Variants in GNL2 observed in about 807,000 individuals in gnomAD.
GNL2 encodes nucleolar GTP-binding protein 2.
A neutral mutation model predicts 92.3 loss-of-function variants in GNL2; 51 were observed. The ratio of observed to expected loss-of-function variants is 0.55; its 90% CI spans 0.44 to 0.70. The LOEUF is 0.70. GNL2 is among the 30% of genes least tolerant of loss of function. GNL2 has a pLI of 0.00. For synonymous variants in GNL2, 283 were observed against 300.6 expected, an observed-to-expected ratio of 0.94 and a Z score of 0.61; for missense variants, 844 against 895.6, an observed-to-expected ratio of 0.94 and a Z score of 0.74.
intron 4 of GNL2, among the ~76,000 whole-genome samples, chr1:37,590,093 G>C (rs945629563): frequency 3.3e-5 from 5 of 152,170 alleles, no homozygotes; most frequent in African/African-American, 1.2e-4. Flanking sequence ...ATAACCCAAG[G>C]AGGTCGGTTA....
intron 3 of GNL2, 141 bp from the exon 4 acceptor site, chr1:37,590,986 C>G (rs1643884476): frequency 1.3e-6 from 1 of 756,662 alleles, no homozygotes; most frequent in Admixed American, 3.3e-5. Flanking sequence ...TGTTTTCAAA[C>G]TTAAAAGAGG....
chr1:37,581,009 A>C lies in GNL2; in HGVS notation c.909+1214T>G, dbSNP rs770850701. Among the ~76,000 whole-genome samples the C allele has an allele frequency of 7.9e-4, 120 of 151,990 alleles. 1 individual carries two copies. Among genetic ancestry groups the C allele is most frequent in the African/African-American group, 2.8e-3 (115 of 41,410 alleles). On this transcript the variant is annotated intron_variant, in intron 8 of 15. Coordinates refer to ENST00000373062, the MANE Select transcript of GNL2 (RefSeq NM_013285.3). The stretch of plus-strand genomic sequence containing the variant: ...CTTTCCAAGTTAAAACAACAACAAC[A>C]ACCAACCAACACTGAATGAATAATA...
Position 37,582,926 on chromosome 1 carries a change from G to C in GNL2, c.647C>G (p.Ser216Ter). ...IWGELYKVID[S>*]SDVVVQVLDA... Reference sequence around the variant, plus strand: ...AAGAACTTGAACTACAACATCTGATGAATCTATCACCTGAAAATTCAGAAA... The same window carrying C: ...AAGAACTTGAACTACAACATCTGATCAATCTATCACCTGAAAATTCAGAAA... The change falls in exon 7 of 16, where the codon TCA becomes TGA. Residue 216 changes from serine to a stop codon, truncating the protein, a stop_gained. Coordinates refer to ENST00000373062, the MANE Select transcript of GNL2 (RefSeq NM_013285.3). LOFTEE classifies it high-confidence loss of function. 2 of 1,611,038 alleles carry C rather than the reference G, an allele frequency of 1.2e-6. No individual in the cohort carries two copies. The highest frequency in any genetic ancestry group is 1.7e-6 in the Non-Finnish European group (2 of 1,178,314).
At chr1:37,591,106 G>T (rs1643885111) in intron 3 of GNL2, among the ~76,000 whole-genome samples, 1 of 152,176 alleles carries the variant, frequency 6.6e-6, no homozygotes, top group African/African-American at 2.4e-5. Flanking sequence ...CTAACTAAAT[G>T]AAACTGAGAA....
At position 37,587,476 on chromosome 1, in the gene GNL2, A is replaced by C. The variant is rs770896096; in HGVS notation, c.404T>G (p.Leu135Arg). 3 of 1,611,684 alleles carry C rather than the reference A, an allele frequency of 1.9e-6. No individual in the cohort carries two copies. The highest frequency in any genetic ancestry group is 1.7e-5 in the Admixed American group (1 of 59,836). Reference sequence around the variant, plus strand: ...TGTAGTTTCAAAACTTTCAGTATCAAGAATGTGCACCTTCAAGTTCTGAAG... The same window carrying C: ...TGTAGTTTCAAAACTTTCAGTATCACGAATGTGCACCTTCAAGTTCTGAAG... The part of the protein sequence containing the change: ...IRPHNLKVHI[L>R]DTESFETTFG... The change falls in exon 5 of 16, where the codon CTT becomes CGT. Residue 135 changes from leucine (L) to arginine (R), a missense_variant. Transcript: ENST00000373062.
At chr1:37,568,129 CA>C (rs1479959102) in intron 14 of GNL2, 145 bp downstream of exon 14, 1 of 625,514 alleles carries the variant, frequency 1.6e-6, no homozygotes, top group Non-Finnish European at 2.9e-6. Flanking sequence ...ATTCAATTTG[CA>C]TAACACTATG....
intron 8 of GNL2, among the ~76,000 whole-genome samples, chr1:37,579,895 C>CAAAAAAAAAAA (rs34353424): frequency 1.2e-4 from 9 of 73,884 alleles, no homozygotes; most frequent in Non-Finnish European, 2.3e-4. Flanking sequence ...GACTCTGCCT[C>CAAAAAAAAAAA]AAAAAAAAAA....
intron 4 of GNL2, among the ~76,000 whole-genome samples, chr1:37,588,544 T>G (rs1382939143): frequency 6.6e-6 from 1 of 152,214 alleles, no homozygotes; most frequent in East Asian, 1.9e-4. Flanking sequence ...CTAATGTCAC[T>G]GGGTAAAATC....
At position 37,582,923 on chromosome 1, in the gene GNL2, G is replaced by GATGAATCT. The variant is rs1643795736; in HGVS notation, c.642_649dup (p.Ser217Ter). ...ATCAAGAACTTGAACTACAACATCT[G>GATGAATCT]ATGAATCTATCACCTGAAAATTCAG... On this transcript the variant is annotated stop_gained and frameshift_variant, in exon 7 of 16. Transcript: ENST00000373062. LOFTEE classifies it high-confidence loss of function. The GATGAATCT allele has an allele frequency of 6.2e-7, 1 of 1,610,980 alleles. No individual in the cohort carries two copies. The highest frequency in any genetic ancestry group is 8.5e-7 in the Non-Finnish European group (1 of 1,178,384).
In GNL2 at chr1:37,576,440, T is replaced by C. The variant is rs1487025399; in HGVS notation, c.1026A>G (p.Ala342=). 1 of 1,613,814 alleles carries C rather than the reference T, an allele frequency of 6.2e-7. No individual in the cohort carries two copies. Among genetic ancestry groups the C allele is most frequent in the East Asian group, 2.2e-5 (1 of 44,876 alleles). The change falls in exon 9 of 16, where the codon GCA becomes GCG. Residue 342 remains alanine (A), a synonymous_variant. Coordinates refer to ENST00000373062, the MANE Select transcript of GNL2 (RefSeq NM_013285.3). ...GCGCCCAACGTACCTTTGTTTCACC[T>C]GCAATGGGAGCCACGTTGCAAACTT... is the stretch of plus-strand genomic sequence containing the variant. ...SKKVCNVAPI[A]GETKVWQYIT...
intron 2 of GNL2, 30 bp from the exon 3 acceptor site, chr1:37,592,836 G>C: frequency 7.9e-7 from 1 of 1,261,478 alleles, no homozygotes; most frequent in Non-Finnish European, 1.2e-6. Context: ...GATATTGGTT[G>C]ACAACAGAAA....
chr1:37,573,666 A>G (rs1643630017), intron 12 of GNL2, among the ~76,000 whole-genome samples: 1 of 152,228 alleles, frequency 6.6e-6, no homozygotes, highest in African/African-American at 2.4e-5. Context: ...CTGTTTCGTA[A>G]GCATAAGAAA....
chr1:37,595,715 T>C (rs767521815), intron 1 of GNL2, 44 bp downstream of exon 1: 3 of 1,558,280 alleles, frequency 1.9e-6, no homozygotes, highest in Admixed American at 3.3e-5. Flanking sequence ...CCCTTCCCTA[T>C]ACTTCCTCCA....
Position 37,568,846 on chromosome 1 carries a change from A to G in GNL2, c.1868+5T>C, listed in dbSNP as rs779275462. 11 of 1,605,220 alleles carry G rather than the reference A, an allele frequency of 6.9e-6. No homozygotes were observed. The East Asian group carries it at 2.2e-4, about 33-fold the overall frequency. Reference sequence around the variant, plus strand: ...CTGCAATTTGTGAGAAGATGAAAATATTACCTGACTGCTGAAAACTTTTTG... The same window carrying G: ...CTGCAATTTGTGAGAAGATGAAAATGTTACCTGACTGCTGAAAACTTTTTG... On this transcript the variant is annotated splice_donor_5th_base_variant and intron_variant, in intron 13 of 15. Coordinates refer to ENST00000373062, the MANE Select transcript of GNL2 (RefSeq NM_013285.3).
At chr1:37,580,552 G>A (rs1313502764) in intron 8 of GNL2, among the ~76,000 whole-genome samples, 1 of 152,188 alleles carries the variant, frequency 6.6e-6, no homozygotes, top group Non-Finnish European at 1.5e-5. Context: ...CAGAAAAGAA[G>A]AAAAGAGGTC....
chr1:37,569,071 C>T lies in GNL2; in HGVS notation c.1648G>A (p.Val550Met). The change falls in exon 13 of 16, where the codon GTG becomes ATG. Residue 550 changes from valine to methionine, a missense_variant. Physicochemically the swap from Val to Met is conservative, Grantham distance 21. Coordinates refer to ENST00000373062, the MANE Select transcript of GNL2 (RefSeq NM_013285.3). ...TCTTCCTCAAGATCTGACACCTCCA[C>T]AGGAACCAGGTCATCCCCAGAAAAC... ...PQFSGDDLVP[V>M]EVSDLEEELE... The T allele has an allele frequency of 1.2e-6, 2 of 1,614,198 alleles. No homozygotes were observed. Among genetic ancestry groups the T allele is most frequent in the East Asian group, 4.5e-5 (2 of 44,884 alleles).
At chr1:37,582,391 T>C (rs1643784995) in intron 7 of GNL2, 55 bp from the exon 8 acceptor site, 4 of 1,022,128 alleles carry the variant, frequency 3.9e-6, no homozygotes, top group South Asian at 2.9e-5. Context: ...ATTTACATTA[T>C]GTGGAAGAAT....
rs756733118 is a variant in GNL2, at chr1:37,592,739, T to C, written c.217A>G (p.Arg73Gly). The C allele has an allele frequency of 6.2e-7, 1 of 1,603,200 alleles. No individual in the cohort carries two copies. The highest frequency in any genetic ancestry group is 8.5e-7 in the Non-Finnish European group (1 of 1,169,994). ...QSTVASGTVA[R>G]VEPNIKWFGN... The stretch of plus-strand genomic sequence containing the variant: ...AACCATTTAATATTTGGCTCTACTC[T>C]TGCCACTGTGCCAGAAGCCACCGTT... Residue 73 changes from arginine to glycine, a missense_variant, in exon 3 of 16, where the codon AGA becomes GGA. Physicochemically the swap from Arg to Gly is moderately radical, Grantham distance 125. Coordinates refer to ENST00000373062, the MANE Select transcript of GNL2 (RefSeq NM_013285.3).
chr1:37,593,077 T>A lies in GNL2; in HGVS notation c.150-271A>T, dbSNP rs1169533436. Among the ~76,000 whole-genome samples the A allele has an allele frequency of 7.3e-5, 11 of 150,284 alleles. No individual in the cohort carries two copies. The highest frequency in any genetic ancestry group is 6.6e-4 in the Admixed American group (10 of 15,052). On this transcript the variant is annotated intron_variant, in intron 2 of 15. Transcript: ENST00000373062. ...TAAAAAATCTGGTTACTGTTTACTT[T>A]AAAAAAAAAACACATACATACTTGA...
Sources: allele counts gnomAD v4.1 joint callset (sites outside exome capture counted in the v4.1 genomes callset), GRCh38; gene constraint gnomAD v4.1.1; transcripts MANE v1.5; gene names NCBI Gene and HGNC (gene_info 2026-07-23, HGNC 2026-07-21).